Variants in HEXIM2 observed in about 807,000 individuals in gnomAD.
HEXIM2 encodes the protein protein HEXIM2.
For missense variants in HEXIM2, 413 were observed against 390.8 expected (o/e 1.06, Z -0.48); for synonymous variants, 159 against 162.7 (o/e 0.98, Z 0.17).
intron 1 of HEXIM2, 42 bp downstream of exon 1, chr17:45,162,073 CCTT>C (rs1183952976): frequency 2.2e-6 from 2 of 929,174 alleles, no homozygotes; most frequent in East Asian, 1.2e-4. Context: ...TGACTGTCTC[CCTT>C]CTTCCAAGAA....
At chr17:45,160,857 G>A (rs1009781685), upstream of HEXIM2, 8 of 1,256,632 alleles carry the variant, frequency 6.4e-6, no homozygotes, top group African/African-American at 1.1e-4. Context: ...GCTGCTCCCA[G>A]GGGGAATTAG....
chr17:45,162,513 G>C lies in HEXIM2; in HGVS notation c.-167G>C. ...GAGGACAGTACAGGACATGAGTCCT[G>C]GTGAGGGACCCGAGGAGCAGGACAG... On this transcript the variant is annotated 5_prime_UTR_variant, in exon 2 of 4. Coordinates refer to ENST00000589230, the MANE Select transcript of HEXIM2 (RefSeq NM_001303441.2). 7.8e-7 allele frequency: 1 copy of C among 1,283,592 alleles called. No homozygotes were observed. The highest frequency in any genetic ancestry group is 1.0e-6 in the Non-Finnish European group (1 of 1,004,448). 79.5% of individuals were successfully genotyped at this position (1,283,592 alleles called of 1,614,324 possible).
upstream of HEXIM2, chr17:45,160,790 G>A (rs1216587566): frequency 6.8e-6 from 4 of 588,272 alleles, no homozygotes; most frequent in East Asian, 2.0e-4. Flanking sequence ...TTGAGGGCAA[G>A]AGCCTCAGAG....
intron 1 of HEXIM2, among the ~76,000 whole-genome samples, 155 bp downstream of exon 1, chr17:45,162,186 G>A (rs888829122): frequency 4.6e-5 from 7 of 152,242 alleles, no homozygotes; most frequent in African/African-American, 1.7e-4. Context: ...GAAGGAGGGA[G>A]GCAGGCCAGG....
chr17:45,169,048 CCT>C lies in HEXIM2; in HGVS notation c.101_102del (p.Pro34ArgfsTer4), dbSNP rs1184970624. 4.3e-6 allele frequency: 7 copies of C among 1,613,740 alleles called. No homozygotes were observed. Among genetic ancestry groups the C allele is most frequent in the Non-Finnish European group, 5.9e-6 (7 of 1,179,798 alleles). On this transcript the variant is annotated frameshift_variant, in exon 4 of 4. Coordinates refer to ENST00000589230, the MANE Select transcript of HEXIM2 (RefSeq NM_001303441.2). LOFTEE classifies it low-confidence loss of function (END_TRUNC). ...TGCCCCGGGGAGCCCCCAAACACCC[CCT>C]GAGCGTCATGACTCTGGTGGTTCCC... ...SGAPGSPQTP[P>X]ERHDSGGSLP...
At chr17:45,164,812 G>A (rs1372128346) in intron 3 of HEXIM2, among the ~76,000 whole-genome samples, 2 of 152,120 alleles carry the variant, frequency 1.3e-5, no homozygotes, top group African/African-American at 4.8e-5. Flanking sequence ...CTTAGTCCAC[G>A]ACTCCCTATA....
chr17:45,169,666 T>C lies in HEXIM2; in HGVS notation c.718T>C (p.Cys240Arg). The change falls in exon 4 of 4, where the codon TGC becomes CGC. Residue 240 changes from cysteine (C) to arginine (R), a missense_variant. Physicochemically the swap from Cys to Arg is radical, Grantham distance 180. Transcript: ENST00000589230. ...TAGGAGGCTGCAGCAGCTGCAGGCGTGCACCGGCCAGCAGTCCTGCCGCCA... is the reference window on the plus strand; with the variant it reads ...TAGGAGGCTGCAGCAGCTGCAGGCGCGCACCGGCCAGCAGTCCTGCCGCCA... ...ETRRLQQLQA[C>R]TGQQSCRQVE... is the part of the protein sequence containing the mutation. 1.3e-6 allele frequency: 2 copies of C among 1,533,980 alleles called. No homozygotes were observed. Among genetic ancestry groups the C allele is most frequent in the Non-Finnish European group, 1.8e-6 (2 of 1,137,420 alleles).
upstream of HEXIM2, among the ~76,000 whole-genome samples, chr17:45,160,296 A>G (rs1218051054): frequency 6.6e-6 from 1 of 152,154 alleles, no homozygotes; most frequent in African/African-American, 2.4e-5. Flanking sequence ...CTTTTTTGGT[A>G]GCATTTAGGA....
At position 45,169,540 on chromosome 17, in the gene HEXIM2, G is replaced by A. The variant is rs775048819; in HGVS notation, c.592G>A (p.Glu198Lys). Residue 198 changes from glutamate to lysine, a missense_variant, in exon 4 of 4, where the codon GAA becomes AAA. Coordinates refer to ENST00000589230, the MANE Select transcript of HEXIM2 (RefSeq NM_001303441.2). ...GCGGAAGGACTTCTCTGAGACTTAC[G>A]AACGCTTCCACACCGAGAGCCTGCA... ...FQRKDFSETY[E>K]RFHTESLQGR... The A allele has an allele frequency of 2.5e-6, 4 of 1,578,922 alleles. No individual in the cohort carries two copies. Among genetic ancestry groups the A allele is most frequent in the East Asian group, 2.3e-5 (1 of 42,730 alleles).
chr17:45,167,487 A>T (rs890556324), intron 3 of HEXIM2, among the ~76,000 whole-genome samples: 2 of 152,194 alleles, frequency 1.3e-5, no homozygotes, highest in Non-Finnish European at 2.9e-5. Flanking sequence ...AGATCCAGTT[A>T]CTTGAGAGGC....
upstream of HEXIM2, chr17:45,161,046 C>A: frequency 4.1e-6 from 4 of 968,646 alleles, no homozygotes; most frequent in Non-Finnish European, 5.7e-6. Flanking sequence ...GCGGCGCCAG[C>A]CTCTGGAATC....
chr17:45,161,503 G>A, upstream of HEXIM2: 3 of 160,138 alleles, frequency 1.9e-5, no homozygotes, highest in Admixed American at 1.2e-4. Flanking sequence ...GCCCAAAATG[G>A]CGGCGATGGC....
upstream of HEXIM2, chr17:45,161,034 C>T (rs1567923664): frequency 1.9e-6 from 2 of 1,080,712 alleles, no homozygotes; most frequent in African/African-American, 1.6e-5. Context: ...CCGCCCTCCC[C>T]CGCGGCGCCA....
rs58258565 is a variant in HEXIM2, at chr17:45,167,024, C to CAAAA, written c.67-1975_67-1972dup. On this transcript the variant is annotated intron_variant, in intron 3 of 3. Coordinates refer to ENST00000589230, the MANE Select transcript of HEXIM2 (RefSeq NM_001303441.2). ...TGGGTGACAGAGCAAGACTCTGTCT[C>CAAAA]AAAAAAAAAAAAAAAAAAAGCCCAG... Among the ~76,000 whole-genome samples the CAAAA allele has an allele frequency of 2.5e-3, 168 of 67,906 alleles. 20 individuals are homozygous for CAAAA. Among genetic ancestry groups the CAAAA allele is most frequent in the East Asian group, 3.6e-3 (7 of 1,970 alleles). The allele number at this position is 67,906 out of a possible 152,430, so 44.5% of individuals were successfully genotyped here.
At position 45,169,327 on chromosome 17, in the gene HEXIM2, G is replaced by C. The variant is rs781218556; in HGVS notation, c.379G>C (p.Val127Leu). 3.7e-6 allele frequency: 6 copies of C among 1,613,732 alleles called. No individual in the cohort carries two copies. The highest frequency in any genetic ancestry group is 4.2e-6 in the Non-Finnish European group (5 of 1,180,040). ...GAGGCAGAGCCAGAGGGCCTCCCGG[G>C]TCCGCGAAGAGATGTTCGCCAAAGG... ...DERQSQRASRVREEMFAKGQP... is the reference protein window; with the variant it reads ...DERQSQRASRLREEMFAKGQP... The change falls in exon 4 of 4, where the codon GTC becomes CTC. Residue 127 changes from valine to leucine, a missense_variant. Val to Leu is a conservative substitution (Grantham distance 32, BLOSUM62 1). Transcript: ENST00000589230.
At position 45,161,999 on chromosome 17, in the gene HEXIM2, G is replaced by A. The variant is rs2042710452; in HGVS notation, c.-225G>A. 2 of 985,238 alleles carry A rather than the reference G, an allele frequency of 2.0e-6. No individual in the cohort carries two copies. Among genetic ancestry groups the A allele is most frequent in the Non-Finnish European group, 2.4e-6 (2 of 830,008 alleles). The allele number at this position is 985,238 out of a possible 1,614,324, so 61.0% of individuals were successfully genotyped here. A position where few individuals can be genotyped will look rare whatever the true frequency, so the allele number is the denominator to read the frequency against. ...CAGTCGCACAGAAAGGCACACAGAT[G>A]TAGTGGTGTGCATAGCCCTTGACAG... On this transcript the variant is annotated 5_prime_UTR_variant, in exon 1 of 4. An upstream start codon of the reference 5' UTR is lost. Coordinates refer to ENST00000589230, the MANE Select transcript of HEXIM2 (RefSeq NM_001303441.2).
chr17:45,162,651 G>C lies in HEXIM2; in HGVS notation c.-45+16G>C. 1.3e-6 allele frequency: 2 copies of C among 1,539,482 alleles called. No homozygotes were observed. Among genetic ancestry groups the C allele is most frequent in the Non-Finnish European group, 8.7e-7 (1 of 1,148,922 alleles). ...GAGAATAAGGGTATGAAGGGCTGGG[G>C]TACAAAATGGCTGCCACTGCCTGGG... On this transcript the variant is annotated intron_variant, in intron 2 of 3. Coordinates refer to ENST00000589230, the MANE Select transcript of HEXIM2 (RefSeq NM_001303441.2).
chr17:45,160,975 G>T (rs1391196212), upstream of HEXIM2: 1 of 1,288,108 alleles, frequency 7.8e-7, no homozygotes, highest in Non-Finnish European at 1.0e-6. Context: ...CTCCGCTCTC[G>T]GAGCCTCCAG....
upstream of HEXIM2, chr17:45,160,975 G>C (rs1391196212): frequency 7.8e-7 from 1 of 1,288,108 alleles, no homozygotes; most frequent in African/African-American, 1.5e-5. Flanking sequence ...CTCCGCTCTC[G>C]GAGCCTCCAG....
Sources: gnomAD v4.1 joint callset for allele counts (sites outside exome capture counted in the v4.1 genomes callset) on GRCh38, gnomAD v4.1.1 for gene constraint, MANE v1.5 for transcripts, NCBI Gene and HGNC (gene_info 2026-07-23, HGNC 2026-07-21) for gene names.